Variants in ARID1B observed in about 807,000 individuals in gnomAD.
ARID1B encodes AT-rich interactive domain-containing protein 1B.
Under a neutral mutation model 212.3 loss-of-function variants are expected in ARID1B, and 30 were observed. That is an observed-to-expected ratio of 0.14 (90% confidence interval 0.11 to 0.19). ARID1B has a LOEUF of 0.19. Ranked by LOEUF, ARID1B falls within the 10% of genes least tolerant of loss-of-function variation. ARID1B has a pLI of 1.00. For missense variants in ARID1B, 2,891 were observed against 3,204.0 expected (o/e 0.90, Z 2.36); for synonymous variants, 1,402 against 1,301.7 (o/e 1.08, Z -1.66).
intron 8 of ARID1B, among the ~76,000 whole-genome samples, chr6:157,158,632 G>C (rs374978152): frequency 6.6e-6 from 1 of 152,222 alleles, no homozygotes; most frequent in East Asian, 1.9e-4. Flanking sequence ...TGTGGCTCCA[G>C]ACCTCTAAGA....
At chr6:156,847,394 G>GTGC (rs1279870876) in intron 2 of ARID1B, among the ~76,000 whole-genome samples, 1 of 152,216 alleles carries the variant, frequency 6.6e-6, no homozygotes, top group Non-Finnish European at 1.5e-5. Flanking sequence ...AACTCAGGAA[G>GTGC]TGCTGCTCAG....
intron 5 of ARID1B, among the ~76,000 whole-genome samples, chr6:157,096,286 A>C (rs1785628202): frequency 6.6e-6 from 1 of 152,196 alleles, no homozygotes; most frequent in Non-Finnish European, 1.5e-5. Context: ...AAGTAGCGCT[A>C]TTCAGTAAAC....
chr6:157,065,042 T>C (rs1783582039), intron 4 of ARID1B, among the ~76,000 whole-genome samples: 1 of 152,214 alleles, frequency 6.6e-6, no homozygotes, highest in African/African-American at 2.4e-5. Flanking sequence ...AATAGTTATT[T>C]TTATAGATAT....
rs777905171 is a variant in ARID1B at position 157,174,020 on chromosome 6, T to C, written c.3248T>C (p.Leu1083Pro). 1 of 1,614,142 alleles carries C rather than the reference T, an allele frequency of 6.2e-7. No individual in the cohort carries two copies. Among genetic ancestry groups the C allele is most frequent in the Non-Finnish European group, 8.5e-7 (1 of 1,179,948 alleles). ...MVNSSAASVG[L>P]ADMMSPGESK... ...TGTTTTCGATTAGCATCTGTGGGTC[T>C]TGCAGATATGATGTCTCCTGGTGAA... The change falls in exon 10 of 20, where the codon CTT becomes CCT. Residue 1083 changes from leucine (L) to proline (P), a missense_variant. By Grantham distance (98) the Leu-to-Pro change is moderately conservative (BLOSUM62 -3). This residue lies in a region of ARID1B where 1,643 missense variants were observed against 1,544.0 expected (regional missense o/e 1.06). Coordinates refer to ENST00000636930, the MANE Select transcript of ARID1B (RefSeq NM_001374828.1).
chr6:157,024,456 A>G (rs890632714), intron 4 of ARID1B: 5 of 151,850 alleles, frequency 3.3e-5, no homozygotes, highest in Admixed American at 2.0e-4. Flanking sequence ...AGATGTTTCA[A>G]ACATCAAAAA....
At chr6:157,073,052 T>C (rs975656777) in intron 4 of ARID1B, among the ~76,000 whole-genome samples, 5 of 152,176 alleles carry the variant, frequency 3.3e-5, no homozygotes, top group South Asian at 2.1e-4. Context: ...CTGATAAATA[T>C]TTGATAAAGA....
chr6:157,090,584 C>G (rs140603723), intron 5 of ARID1B, among the ~76,000 whole-genome samples: 7 of 152,194 alleles, frequency 4.6e-5, no homozygotes, highest in African/African-American at 1.4e-4. Flanking sequence ...TTAGGTAAGA[C>G]TAATCAAAGG....
chr6:157,045,988 ATTGAGCTC>A (rs1282968644), intron 4 of ARID1B, among the ~76,000 whole-genome samples: 10 of 152,162 alleles, frequency 6.6e-5, no homozygotes, highest in African/African-American at 2.4e-4. Context: ...AGGAATCCAT[ATTGAGCTC>A]TTCTCTTCTT....
At chr6:156,986,606 C>T (rs756809986) in intron 4 of ARID1B, among the ~76,000 whole-genome samples, 36 of 152,282 alleles carry the variant, frequency 2.4e-4, no homozygotes, top group African/African-American at 6.3e-4. Flanking sequence ...AAGATTAGCA[C>T]GTGATGTGCT....
At chr6:156,942,632 A>C (rs1047830047) in intron 4 of ARID1B, 20 of 151,874 alleles carry the variant, frequency 1.3e-4, no homozygotes, top group African/African-American at 3.4e-4. Context: ...AAAAAAAAAA[A>C]CACATGACTC....
chr6:157,042,076 T>C (rs1781920785), intron 4 of ARID1B, among the ~76,000 whole-genome samples: 1 of 152,208 alleles, frequency 6.6e-6, no homozygotes, highest in African/African-American at 2.4e-5. Context: ...CAGGCAGTAA[T>C]GTGTTCGATT....
intron 4 of ARID1B, chr6:157,036,650 T>C: frequency 2.9e-6 from 1 of 339,038 alleles, no homozygotes; most frequent in Non-Finnish European, 5.8e-6. Flanking sequence ...ACCCAGACGG[T>C]GACTGGGATT....
At position 157,189,719 on chromosome 6, in the gene ARID1B, C is replaced by G. The variant is rs138482029; in HGVS notation, c.3997C>G (p.Leu1333Val). 5.0e-5 allele frequency: 80 copies of G among 1,614,046 alleles called. No individual in the cohort carries two copies. The East Asian group carries it at 5.6e-4, about 11-fold the overall frequency. The part of the protein sequence containing the change: ...SNSMAEVPGD[L>V]KPPTPASTPH... Reference sequence around the variant, plus strand: ...TTCCATGGCAGAGGTTCCAGGTGACCTGAAGCCACCTACCCCAGCCTCCAC... The same window carrying G: ...TTCCATGGCAGAGGTTCCAGGTGACGTGAAGCCACCTACCCCAGCCTCCAC... The change falls in exon 14 of 20, where the codon CTG becomes GTG. Residue 1333 changes from leucine to valine, a missense_variant. This residue lies in a region of ARID1B where 666 missense variants were observed against 873.5 expected (regional missense o/e 0.76). Coordinates refer to ENST00000636930, the MANE Select transcript of ARID1B (RefSeq NM_001374828.1).
chr6:157,010,291 T>TG (rs1779503950), intron 4 of ARID1B, among the ~76,000 whole-genome samples: 1 of 147,402 alleles, frequency 6.8e-6, no homozygotes, highest in Non-Finnish European at 1.5e-5. Flanking sequence ...TTTTTTTTTT[T>TG]TTTTTTTTTT....
In ARID1B at chr6:156,919,363, A is replaced by T. The variant is rs9480404; in HGVS notation, c.2137-16103A>T. ...TTGATAATGCTATGTATTCATTTTC[A>T]TATTTAACATATATTTTAAGTTTTT... is the stretch of plus-strand genomic sequence containing the variant. On this transcript the variant is annotated intron_variant, in intron 3 of 19. Coordinates refer to ENST00000636930, the MANE Select transcript of ARID1B (RefSeq NM_001374828.1). Among the ~76,000 whole-genome samples the T allele has an allele frequency of 2.8e-3, 422 of 152,290 alleles. 2 individuals carry two copies. Among genetic ancestry groups the T allele is most frequent in the African/African-American group, 9.5e-3 (396 of 41,554 alleles).
At chr6:157,151,655 A>C in intron 8 of ARID1B, 1 of 152,204 alleles carries the variant, frequency 6.6e-6, no homozygotes, top group East Asian at 1.9e-4. Context: ...ATGCTCTTAA[A>C]GTCTATTACT....
Position 156,842,861 on chromosome 6 carries a change from G to A in ARID1B, c.1986+13440G>A, listed in dbSNP as rs58755546. ...AAGTAATACTACTCACTTTGCCAGT[G>A]GGGAAACAGAGGTTAGGTAGCTTGC... On this transcript the variant is annotated intron_variant, in intron 2 of 19. Coordinates refer to ENST00000636930, the MANE Select transcript of ARID1B (RefSeq NM_001374828.1). Among the ~76,000 whole-genome samples the A allele has an allele frequency of 2.7e-3, 406 of 152,288 alleles. 1 individual carries two copies. The highest frequency in any genetic ancestry group is 8.8e-3 in the African/African-American group (364 of 41,540).
intron 1 of ARID1B, among the ~76,000 whole-genome samples, chr6:156,785,175 T>C (rs1426896019): frequency 6.6e-6 from 1 of 152,208 alleles, no homozygotes; most frequent in African/African-American, 2.4e-5. Flanking sequence ...ATGATGAAAT[T>C]AACTTGTTTC....
chr6:156,974,884 A>AGTT (rs1777132662), intron 4 of ARID1B, among the ~76,000 whole-genome samples: 5 of 152,178 alleles, frequency 3.3e-5, no homozygotes, highest in African/African-American at 2.4e-5. Context: ...CAGTATCTCA[A>AGTT]TATTTTATAA....
Sources: gnomAD v4.1 joint callset for allele counts (sites outside exome capture counted in the v4.1 genomes callset) on GRCh38, gnomAD v4.1.1 for gene constraint, gnomAD v4.1.1 regional missense constraint, MANE v1.5 for transcripts, NCBI Gene and HGNC (gene_info 2026-07-23, HGNC 2026-07-21) for gene names.